TMEM69: variants seen among roughly 807,000 people sequenced by gnomAD.
TMEM69 encodes transmembrane protein 69.
Under a neutral mutation model 15.8 loss-of-function variants are expected in TMEM69, and 17 were observed. The observed-to-expected ratio is 1.07, with a 90% CI of 0.73 to 1.61. TMEM69 has a LOEUF of 1.61. Among genes scored for constraint, TMEM69 ranks in the 40% most tolerant of loss-of-function variants. The pLI is 0.00. For missense variants in TMEM69, 230 were observed against 286.1 expected (o/e 0.80, Z 1.41); for synonymous variants, 80 against 98.6 (o/e 0.81, Z 1.12).
At chr1:45,689,956 C>T (rs1367995646) in intron 1 of TMEM69, among the ~76,000 whole-genome samples, 1 of 151,990 alleles carries the variant, frequency 6.6e-6, no homozygotes, top group Non-Finnish European at 1.5e-5. Flanking sequence ...GAGCACGCCA[C>T]TGCAGTCCAG....
At position 45,693,374 on chromosome 1, in the gene TMEM69, T is replaced by G; in HGVS notation, c.213T>G (p.Phe71Leu). 6.2e-7 allele frequency: 1 copy of G among 1,614,162 alleles called. No individual in the cohort carries two copies. Among genetic ancestry groups the G allele is most frequent in the Non-Finnish European group, 8.5e-7 (1 of 1,180,034 alleles). ...GCTATCATACATCCCCCTGCAGCTT[T>G]AAAAAGCAGCAGAAGCAAGCACTTC... ...TQCYHTSPCS[F>L]KKQQKQALLA... The change falls in exon 3 of 3, where the codon TTT becomes TTG. Residue 71 changes from phenylalanine to leucine, a missense_variant. Transcript: ENST00000372025.
Position 45,691,008 on chromosome 1 carries a change from G to C in TMEM69, c.-61G>C, listed in dbSNP as rs1014312558. The C allele has an allele frequency of 6.3e-7, 1 of 1,595,152 alleles. No individual in the cohort carries two copies. The highest frequency in any genetic ancestry group is 8.6e-7 in the Non-Finnish European group (1 of 1,163,274). ...CCTGATTCAGTGCCTCTGCTTAGCT[G>C]TAACATGTTAATCAGAACTACCTGG... On this transcript the variant is annotated 5_prime_UTR_variant, in exon 2 of 3. Coordinates refer to ENST00000372025, the MANE Select transcript of TMEM69 (RefSeq NM_016486.4).
intron 1 of TMEM69, among the ~76,000 whole-genome samples, chr1:45,690,331 A>G (rs1362243473): frequency 6.6e-6 from 1 of 152,118 alleles, no homozygotes. Context: ...GCGAAACCCC[A>G]TCTCTCCTGA....
chr1:45,693,086 G>T (rs1645355306), intron 2 of TMEM69, 118 bp from the exon 3 acceptor site: 2 of 687,724 alleles, frequency 2.9e-6, no homozygotes, highest in Non-Finnish European at 4.9e-6. Flanking sequence ...ATGGAAAGCA[G>T]ATCTTTTTTG....
At position 45,693,331 on chromosome 1, in the gene TMEM69, A is replaced by G. The variant is rs1569926016; in HGVS notation, c.170A>G (p.Tyr57Cys). ...TGGCTTTCCTCATCATTTCCAGCGT[A>G]TATGAGCAAGACACAGTGCTATCAT... ...RPWLSSSFPA[Y>C]MSKTQCYHTS... The change falls in exon 3 of 3, where the codon TAT becomes TGT. Residue 57 changes from tyrosine to cysteine, a missense_variant. Coordinates refer to ENST00000372025, the MANE Select transcript of TMEM69 (RefSeq NM_016486.4). 1.9e-6 allele frequency: 3 copies of G among 1,614,178 alleles called. No individual in the cohort carries two copies. Among genetic ancestry groups the G allele is most frequent in the Non-Finnish European group, 1.7e-6 (2 of 1,180,032 alleles).
rs1645340908 is a variant in TMEM69, at chr1:45,690,960, T to C, written c.-95-14T>C. 2 of 1,151,080 alleles carry C rather than the reference T, an allele frequency of 1.7e-6. No individual in the cohort carries two copies. Among genetic ancestry groups the C allele is most frequent in the Non-Finnish European group, 2.6e-6 (2 of 779,308 alleles). The allele number at this position is 1,151,080 out of a possible 1,614,324, so 71.3% of individuals were successfully genotyped here. A position where few individuals can be genotyped will look rare whatever the true frequency, so the allele number is the denominator to read the frequency against. On this transcript the variant is annotated splice_polypyrimidine_tract_variant and intron_variant, in intron 1 of 2. Coordinates refer to ENST00000372025, the MANE Select transcript of TMEM69 (RefSeq NM_016486.4). ...AAATGAGGAAAATTAAGTGACACCTTGTGTTATACACAGAAACATGCCCCT... is the reference window on the plus strand; with the variant it reads ...AAATGAGGAAAATTAAGTGACACCTCGTGTTATACACAGAAACATGCCCCT...
intron 1 of TMEM69, among the ~76,000 whole-genome samples, chr1:45,689,116 G>A (rs1344844795): frequency 6.6e-6 from 1 of 151,762 alleles, no homozygotes; most frequent in Non-Finnish European, 1.5e-5. Context: ...CACTACGTTG[G>A]CCAGGCTGGT....
rs774230495 is a variant in TMEM69, at chr1:45,693,259, C to A, written c.98C>A (p.Ser33Tyr). ...GLRTSRTDIL[S>Y]LKMSLQQNFS... is the part of the protein sequence containing the mutation. ...AGAACCAGCAGAACAGATATACTTTCTCTCAAGATGTCTCTCCAGCAAAAC... is the reference window on the plus strand; with the variant it reads ...AGAACCAGCAGAACAGATATACTTTATCTCAAGATGTCTCTCCAGCAAAAC... Residue 33 changes from serine (S) to tyrosine (Y), a missense_variant, in exon 3 of 3, where the codon TCT becomes TAT. By Grantham distance (144) the Ser-to-Tyr change is moderately radical. Transcript: ENST00000372025. 1.2e-6 allele frequency: 2 copies of A among 1,614,124 alleles called. No homozygotes were observed. Among genetic ancestry groups the A allele is most frequent in the South Asian group, 2.2e-5 (2 of 91,072 alleles).
At position 45,694,222 on chromosome 1, in the gene TMEM69, C is replaced by A; in HGVS notation, c.*317C>A. The A allele has an allele frequency of 1.9e-6, 1 of 526,524 alleles. No individual in the cohort carries two copies. The highest frequency in any genetic ancestry group is 3.3e-6 in the Non-Finnish European group (1 of 299,342). 32.6% of individuals were successfully genotyped at this position (526,524 alleles called of 1,614,324 possible). A position where few individuals can be genotyped will look rare whatever the true frequency, so the allele number is the denominator to read the frequency against. On this transcript the variant is annotated 3_prime_UTR_variant, in exon 3 of 3. Coordinates refer to ENST00000372025, the MANE Select transcript of TMEM69 (RefSeq NM_016486.4). ...CTACTTCTGTTTGGCTTTTTTTCCC[C>A]ACACCAATGGTAATTTATCTTCACA...
rs1645341200 is a variant in TMEM69, at chr1:45,691,014, T to C, written c.-55T>C. On this transcript the variant is annotated 5_prime_UTR_variant, in exon 2 of 3. The change abolishes an upstream ATG in the 5' untranslated region. Coordinates refer to ENST00000372025, the MANE Select transcript of TMEM69 (RefSeq NM_016486.4). ...TCAGTGCCTCTGCTTAGCTGTAACATGTTAATCAGAACTACCTGGCATCTT... is the reference window on the plus strand; with the variant it reads ...TCAGTGCCTCTGCTTAGCTGTAACACGTTAATCAGAACTACCTGGCATCTT... 1 of 1,604,110 alleles carries C rather than the reference T, an allele frequency of 6.2e-7. No homozygotes were observed. The highest frequency in any genetic ancestry group is 1.3e-5 in the African/African-American group (1 of 74,874).
chr1:45,691,313 G>A (rs2148539839), intron 2 of TMEM69, among the ~76,000 whole-genome samples: 1 of 152,312 alleles, frequency 6.6e-6, no homozygotes, highest in Middle Eastern at 3.4e-3. Flanking sequence ...AATTTGGCAG[G>A]CCGAGGTGGG....
chr1:45,689,532 C>A (rs978979829), intron 1 of TMEM69, among the ~76,000 whole-genome samples: 6 of 151,846 alleles, frequency 4.0e-5, no homozygotes, highest in African/African-American at 1.4e-4. Context: ...ATGGCAAAAC[C>A]CCTTCTATAC....
chr1:45,691,295 G>C (rs1270612638), intron 2 of TMEM69, among the ~76,000 whole-genome samples, 185 bp downstream of exon 2: 1 of 152,150 alleles, frequency 6.6e-6, no homozygotes, highest in Non-Finnish European at 1.5e-5. Context: ...CACGCCTGTA[G>C]TCCCAGCAAT....
In TMEM69 at chr1:45,693,608, A is replaced by T; in HGVS notation, c.447A>T (p.Leu149=). 4 of 1,614,138 alleles carry T rather than the reference A, an allele frequency of 2.5e-6. No individual in the cohort carries two copies. The highest frequency in any genetic ancestry group is 3.4e-6 in the Non-Finnish European group (4 of 1,180,024). ...FLGGIRWGFA[L]PEGSPAKPDY... ...GTGGGATCAGATGGGGTTTTGCTCT[A>T]CCAGAAGGTAGTCCAGCCAAACCAG... The change falls in exon 3 of 3, where the codon CTA becomes CTT. Residue 149 remains leucine (L), a synonymous_variant. Coordinates refer to ENST00000372025, the MANE Select transcript of TMEM69 (RefSeq NM_016486.4).
Position 45,693,286 on chromosome 1 carries a change from T to C in TMEM69, c.125T>C (p.Phe42Ser). 6.2e-7 allele frequency: 1 copy of C among 1,614,130 alleles called. No homozygotes were observed. Among genetic ancestry groups the C allele is most frequent in the South Asian group, 1.1e-5 (1 of 91,076 alleles). The change falls in exon 3 of 3, where the codon TTT (phenylalanine) becomes TCT (serine). Residue 42 changes from phenylalanine (F) to serine (S), a missense_variant. Phe to Ser is a radical substitution (Grantham distance 155, BLOSUM62 -2). Transcript: ENST00000372025. ...CTCAAGATGTCTCTCCAGCAAAACTTTTCCCCATGTCCAAGGCCTTGGCTT... is the reference window on the plus strand; with the variant it reads ...CTCAAGATGTCTCTCCAGCAAAACTCTTCCCCATGTCCAAGGCCTTGGCTT... ...LSLKMSLQQN[F>S]SPCPRPWLSS... is the part of the protein sequence containing the mutation.
intron 1 of TMEM69, among the ~76,000 whole-genome samples, chr1:45,690,255 A>G (rs926064915): frequency 2.0e-5 from 3 of 152,128 alleles, no homozygotes; most frequent in Non-Finnish European, 4.4e-5. Context: ...TAATCCCAAC[A>G]CTTTGGGAGG....
rs1645359013 is a variant in TMEM69, at chr1:45,693,428, CCTAA to C, written c.270_273del (p.Asp92AlafsTer8). 5 of 1,614,208 alleles carry C rather than the reference CCTAA, an allele frequency of 3.1e-6. No homozygotes were observed. In the Middle Eastern group the frequency reaches 6.6e-4, roughly 213 times the overall value. On this transcript the variant is annotated frameshift_variant, in exon 3 of 3. Transcript: ENST00000372025. LOFTEE classifies it high-confidence loss of function. The stretch of plus-strand genomic sequence containing the variant: ...CCAGACCCTCAAGCACCATCACTTA[CCTAA>C]CTGACAGCCCAAAGCCAGCATTATG...
chr1:45,694,192 T>C lies in TMEM69; in HGVS notation c.*287T>C. 2 of 477,852 alleles carry C rather than the reference T, an allele frequency of 4.2e-6. No homozygotes were observed. The highest frequency in any genetic ancestry group is 3.8e-5 in the East Asian group (1 of 26,312). The allele number at this position is 477,852 out of a possible 1,614,324, so 29.6% of individuals were successfully genotyped here. A position where few individuals can be genotyped will look rare whatever the true frequency, so the allele number is the denominator to read the frequency against. ...ATAACATTTGTATGCCAGCTACACCTTTTTCTACTTCTGTTTGGCTTTTTT... is the reference window on the plus strand; with the variant it reads ...ATAACATTTGTATGCCAGCTACACCCTTTTCTACTTCTGTTTGGCTTTTTT... On this transcript the variant is annotated 3_prime_UTR_variant, in exon 3 of 3. Coordinates refer to ENST00000372025, the MANE Select transcript of TMEM69 (RefSeq NM_016486.4).
chr1:45,691,753 A>G (rs1645346122), intron 2 of TMEM69, among the ~76,000 whole-genome samples: 1 of 152,128 alleles, frequency 6.6e-6, no homozygotes. Context: ...AGGCAGAAGA[A>G]TCACTTGAAC....
Sources: allele counts gnomAD v4.1 joint callset (sites outside exome capture counted in the v4.1 genomes callset), GRCh38; gene constraint gnomAD v4.1.1; transcripts MANE v1.5; gene names NCBI Gene and HGNC (gene_info 2026-07-23, HGNC 2026-07-21).